Variants in UGT2B15 observed in about 807,000 individuals in gnomAD.
UGT2B15 encodes UDP-glucuronosyltransferase 2B15.
UGT2B15 carries 36 observed loss-of-function variants against 45.9 expected under a neutral mutation model. That is an observed-to-expected ratio of 0.78 (90% confidence interval 0.60 to 1.04). UGT2B15 has a LOEUF of 1.04. Among genes scored for constraint, UGT2B15 ranks in the 50% least tolerant of loss-of-function variants. The probability of loss-of-function intolerance (pLI) is 0.00; values close to 1 mark genes in which losing one functional copy is unlikely to be tolerated. For missense variants in UGT2B15, 617 were observed against 622.4 expected, an observed-to-expected ratio of 0.99 and a Z score of 0.09; for synonymous variants, 219 against 216.4, an observed-to-expected ratio of 1.01 and a Z score of -0.11.
At position 68,655,129 on chromosome 4, in the gene UGT2B15, T is replaced by G. The variant is rs766233608; in HGVS notation, c.1059A>C (p.Arg353=). Residue 353 remains arginine (R), a synonymous_variant, in exon 4 of 6, where the codon CGA becomes CGC. Transcript: ENST00000338206. ...CATTCTGGGGTAACCACTTGTACAG[T>G]CGAGTATTGGAACCTAAAGTATTTG... is the stretch of plus-strand genomic sequence containing the variant. The part of the protein sequence containing the change: ...KKPNTLGSNT[R]LYKWLPQNDL... The G allele has an allele frequency of 6.2e-7, 1 of 1,613,420 alleles. No individual in the cohort carries two copies. Among genetic ancestry groups the G allele is most frequent in the Admixed American group, 1.7e-5 (1 of 59,958 alleles).
chr4:68,648,517 C>T (rs753468594), intron 5 of UGT2B15, among the ~76,000 whole-genome samples: 7 of 152,098 alleles, frequency 4.6e-5, no homozygotes, highest in Admixed American at 1.3e-4. Flanking sequence ...TCTAGTGCTT[C>T]ATGCTTACTT....
Position 68,647,104 on chromosome 4 carries a change from C to G in UGT2B15, c.1593G>C (p.Ter531TyrextTer9), listed in dbSNP as rs1360895059. The G allele has an allele frequency of 1.9e-6, 3 of 1,611,702 alleles. No homozygotes were observed. The highest frequency in any genetic ancestry group is 1.6e-4 in the Middle Eastern group (1 of 6,078). ...AKKGKKKKRD* is the reference protein window; with the variant it reads ...AKKGKKKKRDY ...ATTCCACTTCAGGCTTTTGATATAA[C>G]TAATCTCTTTTCTTCTTCTTTCCTT... Residue 531 changes from the stop codon to tyrosine, a stop_lost, in exon 6 of 6, where the codon TAG (stop) becomes TAC (tyrosine). Coordinates refer to ENST00000338206, the MANE Select transcript of UGT2B15 (RefSeq NM_001076.4).
chr4:68,652,201 T>G (rs1478145805), intron 5 of UGT2B15, among the ~76,000 whole-genome samples: 12 of 152,078 alleles, frequency 7.9e-5, no homozygotes, highest in Non-Finnish European at 1.8e-4. Flanking sequence ...TGTATAGTAA[T>G]GCTTGTGATT....
chr4:68,653,910 G>C, intron 5 of UGT2B15, 127 bp downstream of exon 5: 1 of 1,275,126 alleles, frequency 7.8e-7, no homozygotes, highest in Non-Finnish European at 1.1e-6. Flanking sequence ...AGTAAGGACA[G>C]ATTTTACATT....
At chr4:68,664,198 C>T (rs997784948) in intron 2 of UGT2B15, among the ~76,000 whole-genome samples, 1 of 150,938 alleles carries the variant, frequency 6.6e-6, no homozygotes, top group Non-Finnish European at 1.5e-5. Context: ...CTTGTGTTTC[C>T]TGATGTGTCC....
At chr4:68,650,614 G>T (rs936349350) in intron 5 of UGT2B15, among the ~76,000 whole-genome samples, 2 of 152,042 alleles carry the variant, frequency 1.3e-5, no homozygotes, top group Admixed American at 6.6e-5. Flanking sequence ...ACATACATGT[G>T]CATGTGTCTT....
At chr4:68,651,118 G>A (rs932497711) in intron 5 of UGT2B15, among the ~76,000 whole-genome samples, 4 of 151,192 alleles carry the variant, frequency 2.6e-5, no homozygotes, top group East Asian at 2.0e-4. Context: ...TCCCTCTGAC[G>A]ATAGTTTATT....
At chr4:68,660,323 G>A (rs1268068046) in intron 3 of UGT2B15, among the ~76,000 whole-genome samples, 1 of 150,876 alleles carries the variant, frequency 6.6e-6, no homozygotes, top group Non-Finnish European at 1.5e-5. Flanking sequence ...GTAACTTTCT[G>A]ACAGGCCCAG....
At chr4:68,665,951 G>T (rs530558339) in intron 2 of UGT2B15, among the ~76,000 whole-genome samples, 3 of 152,246 alleles carry the variant, frequency 2.0e-5, no homozygotes, top group Middle Eastern at 3.4e-3. Flanking sequence ...GGAGGCTGAG[G>T]CAGGAGAATC....
At chr4:68,653,927 A>G in intron 5 of UGT2B15, 110 bp downstream of exon 5, 6 of 1,341,838 alleles carry the variant, frequency 4.5e-6, no homozygotes, top group Non-Finnish European at 6.2e-6. Flanking sequence ...CATTGGTTAA[A>G]TCACTTCAAT....
chr4:68,647,478 T>G (rs1329367045), intron 5 of UGT2B15, 95 bp from the exon 6 acceptor site: 1 of 1,344,342 alleles, frequency 7.4e-7, no homozygotes, highest in Non-Finnish European at 1.0e-6. Context: ...GTCACACAAA[T>G]GATTGAAAGT....
chr4:68,647,605 T>C (rs1378935878), intron 5 of UGT2B15, among the ~76,000 whole-genome samples: 2 of 152,100 alleles, frequency 1.3e-5, no homozygotes, highest in Non-Finnish European at 2.9e-5. Flanking sequence ...AAAAATGGAA[T>C]TTTCGGTGGG....
chr4:68,652,411 T>C (rs1190777663), intron 5 of UGT2B15, among the ~76,000 whole-genome samples: 1 of 150,912 alleles, frequency 6.6e-6, no homozygotes, highest in Non-Finnish European at 1.5e-5. Context: ...TCTTATTCTA[T>C]ATATATATAT....
chr4:68,658,317 AG>A, intron 3 of UGT2B15, among the ~76,000 whole-genome samples: 1 of 151,112 alleles, frequency 6.6e-6, no homozygotes, highest in Middle Eastern at 3.4e-3. Flanking sequence ...CAGAAAAAAA[AG>A]ACTAGTCAAA....
chr4:68,647,791 G>C (rs1732527196), intron 5 of UGT2B15, among the ~76,000 whole-genome samples: 1 of 151,990 alleles, frequency 6.6e-6, no homozygotes, highest in Admixed American at 6.6e-5. Context: ...TCATGGCTCA[G>C]TTCAGCCTTT....
chr4:68,658,211 T>A (rs1732867104), intron 3 of UGT2B15, among the ~76,000 whole-genome samples: 2 of 152,016 alleles, frequency 1.3e-5, no homozygotes, highest in Non-Finnish European at 2.9e-5. Context: ...TATGTATTTA[T>A]GTGTTTTGTA....
intron 5 of UGT2B15, among the ~76,000 whole-genome samples, chr4:68,651,341 CA>C (rs576830207): frequency 6.6e-6 from 1 of 151,948 alleles, no homozygotes; most frequent in South Asian, 2.1e-4. Context: ...AGGTGTAAGG[CA>C]GGGGACTAGT....
rs751125061 is a variant in UGT2B15, at chr4:68,654,193, T to C, written c.1157A>G (p.Tyr386Cys). 31 of 1,613,546 alleles carry C rather than the reference T, an allele frequency of 1.9e-5. No homozygotes were observed. In the East Asian group the frequency reaches 6.5e-4, roughly 34 times the overall value. Reference protein sequence around the residue: ...GGTNGIYEAIYHGIPMVGIPL... With the variant: ...GGTNGIYEAICHGIPMVGIPL... Reference sequence around the variant, plus strand: ...AATGCCCACCATAGGGATCCCATGGTAGATCGCCTCATAGATGCCATTGGT... The same window carrying C: ...AATGCCCACCATAGGGATCCCATGGCAGATCGCCTCATAGATGCCATTGGT... The change falls in exon 5 of 6, where the codon TAC (tyrosine) becomes TGC (cysteine). Residue 386 changes from tyrosine to cysteine, a missense_variant. Physicochemically the swap from Tyr to Cys is radical, Grantham distance 194. Around this residue, in one of 3 missense-constraint regions of UGT2B15, gnomAD observed 265 missense variants for 245.1 expected, o/e 1.08. Transcript: ENST00000338206.
chr4:68,656,651 T>TCCTTTTG (rs1732814670), intron 3 of UGT2B15, among the ~76,000 whole-genome samples: 1 of 152,140 alleles, frequency 6.6e-6, no homozygotes, highest in South Asian at 2.1e-4. Flanking sequence ...ACCCTATACC[T>TCCTTTTG]CCTTTTGCCT....
Sources: allele counts gnomAD v4.1 joint callset (sites outside exome capture counted in the v4.1 genomes callset), GRCh38; gene constraint gnomAD v4.1.1; regional missense constraint gnomAD v4.1.1; transcripts MANE v1.5; gene names NCBI Gene and HGNC (gene_info 2026-07-23, HGNC 2026-07-21).